The following PXT1 variants were observed in gnomAD, a reference collection of about 807,000 sequenced individuals.
The protein encoded by PXT1 is peroxisomal testis-specific protein 1.
In PXT1, 11 loss-of-function variants were observed where a neutral mutation model predicts 11.0. The ratio of observed to expected loss-of-function variants is 1.00; its 90% CI spans 0.63 to 1.66. PXT1 has a LOEUF of 1.66. Among genes scored for constraint, PXT1 ranks in the 40% most tolerant of loss-of-function variants. The pLI is 0.00. For missense variants in PXT1, 141 were observed against 155.5 expected (o/e 0.91, Z 0.49); for synonymous variants, 43 against 51.4 (o/e 0.84, Z 0.70).
At chr6:36,405,362 T>C (rs1393169215) in intron 3 of PXT1, among the ~76,000 whole-genome samples, 1 of 150,476 alleles carries the variant, frequency 6.6e-6, no homozygotes, top group African/African-American at 2.5e-5. Flanking sequence ...GTTAATTTAT[T>C]ATTGAAGAAA....
At chr6:36,412,813 C>T (rs1197237337) in intron 3 of PXT1, among the ~76,000 whole-genome samples, 3 of 150,416 alleles carry the variant, frequency 2.0e-5, no homozygotes, top group African/African-American at 7.3e-5. Context: ...AAAGAGAATG[C>T]TATGAAAAAA....
At chr6:36,429,287 T>C (rs963563208) in intron 2 of PXT1, among the ~76,000 whole-genome samples, 2 of 1,524 alleles carry the variant, frequency 1.3e-3, no homozygotes, top group African/African-American at 3.3e-3. Context: ...AAAAAAAAAA[T>C]TGCATAATTA....
At chr6:36,394,228 G>A (rs984798105) in intron 4 of PXT1, among the ~76,000 whole-genome samples, 14 of 152,178 alleles carry the variant, frequency 9.2e-5, no homozygotes, top group African/African-American at 3.1e-4. Context: ...GAAGCTAAGT[G>A]ACCTTTGATA....
chr6:36,397,674 A>C (rs1050928320), intron 4 of PXT1, among the ~76,000 whole-genome samples: 4 of 152,194 alleles, frequency 2.6e-5, no homozygotes, highest in Non-Finnish European at 4.4e-5. Context: ...AAAGTACACT[A>C]TCAATAAAGT....
intron 2 of PXT1, among the ~76,000 whole-genome samples, chr6:36,427,620 A>G (rs986889801): frequency 6.6e-6 from 1 of 152,216 alleles, no homozygotes; most frequent in Non-Finnish European, 1.5e-5. Flanking sequence ...ATTTAATCTA[A>G]TATATCCCCA....
rs969773281 is a variant in PXT1 at position 36,425,932 on chromosome 6, C to G, written c.151G>C (p.Ala51Pro). ...TQLVSSQPVP[A>P]MSRNPDHNLL... ...ATCTTACCTGGGTTCCTTGACATGGCTGGAACTGGCTGGGAGCTGACAAGT... is the reference window on the plus strand; with the variant it reads ...ATCTTACCTGGGTTCCTTGACATGGGTGGAACTGGCTGGGAGCTGACAAGT... The change falls in exon 3 of 5, where the codon GCC (alanine) becomes CCC (proline). Residue 51 changes from alanine (A) to proline (P), a missense_variant. Coordinates refer to ENST00000454782, the MANE Select transcript of PXT1 (RefSeq NM_152990.4). The G allele has an allele frequency of 3.3e-6, 5 of 1,534,546 alleles. No homozygotes were observed. The highest frequency in any genetic ancestry group is 4.4e-6 in the Non-Finnish European group (5 of 1,146,132).
At chr6:36,400,180 T>A (rs185794146) in intron 4 of PXT1, among the ~76,000 whole-genome samples, 1 of 152,338 alleles carries the variant, frequency 6.6e-6, no homozygotes, top group East Asian at 1.9e-4. Flanking sequence ...TGTGGGCTGG[T>A]CTGACTGTGT....
At chr6:36,395,339 G>A (rs1169074672) in intron 4 of PXT1, among the ~76,000 whole-genome samples, 2 of 152,046 alleles carry the variant, frequency 1.3e-5, no homozygotes, top group Admixed American at 6.6e-5. Flanking sequence ...CTAGAGAATC[G>A]ATGTGACTGC....
At chr6:36,398,740 C>T (rs576576343) in intron 4 of PXT1, among the ~76,000 whole-genome samples, 204 of 152,268 alleles carry the variant, frequency 1.3e-3, no homozygotes, top group Non-Finnish European at 2.4e-3. Context: ...GCCTGGAACA[C>T]TTTCCCACTC....
chr6:36,426,482 T>C (rs1200064254), intron 2 of PXT1, among the ~76,000 whole-genome samples: 1 of 149,068 alleles, frequency 6.7e-6, no homozygotes, highest in Non-Finnish European at 1.5e-5. Flanking sequence ...GCAATTATCC[T>C]GCCTCAGCCT....
rs560173272 is a variant in PXT1, at chr6:36,417,968, G to A, written c.169+7946C>T. On this transcript the variant is annotated intron_variant, in intron 3 of 4. Transcript: ENST00000454782. ...TCCCAGCACTCTGGGAGGCTGAGGC[G>A]GGCGGATCACAAGGTCAGGAGATCG... Among the ~76,000 whole-genome samples the A allele has an allele frequency of 2.0e-5, 3 of 151,950 alleles. No homozygotes were observed. In the South Asian group the frequency reaches 6.3e-4, roughly 32 times the overall value.
chr6:36,441,816 C>T (rs992149543), intron 1 of PXT1, among the ~76,000 whole-genome samples: 1 of 152,092 alleles, frequency 6.6e-6, no homozygotes, highest in African/African-American at 2.4e-5. Flanking sequence ...AATTTTTTGA[C>T]CCTGATAAAA....
At chr6:36,400,724 T>C (rs1774201981) in intron 3 of PXT1, 140 bp from the exon 4 acceptor site, 1 of 830,960 alleles carries the variant, frequency 1.2e-6, no homozygotes. Context: ...ATCCCAGCAC[T>C]TTAGGAGGCC....
intron 3 of PXT1, among the ~76,000 whole-genome samples, chr6:36,405,321 G>GT (rs1381259538): frequency 6.6e-6 from 1 of 151,626 alleles, no homozygotes; most frequent in African/African-American, 2.4e-5. Context: ...AAATGTAAAA[G>GT]TTTCAAAATA....
chr6:36,412,034 G>A (rs561004838), intron 3 of PXT1, among the ~76,000 whole-genome samples: 3 of 152,208 alleles, frequency 2.0e-5, no homozygotes, highest in South Asian at 4.1e-4. Flanking sequence ...AAATTCTAAT[G>A]TATGTGTTTA....
At chr6:36,434,547 G>A (rs774014618) in intron 2 of PXT1, among the ~76,000 whole-genome samples, 20 of 152,272 alleles carry the variant, frequency 1.3e-4, no homozygotes, top group African/African-American at 2.2e-4. Context: ...GGTTCCAATC[G>A]TAATGGAACA....
intron 4 of PXT1, among the ~76,000 whole-genome samples, chr6:36,398,927 A>T (rs1774178119): frequency 6.6e-6 from 1 of 152,080 alleles, no homozygotes; most frequent in African/African-American, 2.4e-5. Flanking sequence ...CTGCCTTGTT[A>T]TCTGCCCCCT....
At chr6:36,397,712 G>A (rs1293515900) in intron 4 of PXT1, among the ~76,000 whole-genome samples, 8 of 152,036 alleles carry the variant, frequency 5.3e-5, no homozygotes, top group Admixed American at 2.0e-4. Flanking sequence ...AATGGGATAC[G>A]ATATTTGCAA....
chr6:36,411,838 A>T (rs1774379645), intron 3 of PXT1, among the ~76,000 whole-genome samples: 1 of 151,932 alleles, frequency 6.6e-6, no homozygotes, highest in Non-Finnish European at 1.5e-5. Flanking sequence ...AGTCCCACCT[A>T]CTCAGAGGCC....
Sources: allele counts gnomAD v4.1 joint callset (sites outside exome capture counted in the v4.1 genomes callset), GRCh38; gene constraint gnomAD v4.1.1; transcripts MANE v1.5; gene names NCBI Gene and HGNC (gene_info 2026-07-23, HGNC 2026-07-21).